MGAT5: variants seen among roughly 807,000 people sequenced by gnomAD.
MGAT5 encodes the protein alpha-1,6-mannosylglycoprotein 6-beta-N-acetylglucosaminyltransferase, also known as alpha-1,6-mannosylglycoprotein 6-beta-N-acetylglucosaminyltransferase A.
A neutral mutation model predicts 94.3 loss-of-function variants in MGAT5; 30 were observed. The observed-to-expected ratio is 0.32, with a 90% CI of 0.24 to 0.43. The LOEUF (loss-of-function observed/expected upper bound fraction) is 0.43. Ranked by LOEUF, MGAT5 falls within the 20% of genes least tolerant of loss-of-function variation. The probability of loss-of-function intolerance (pLI) is 1.00; values close to 1 mark genes in which losing one functional copy is unlikely to be tolerated. For missense variants in MGAT5, 691 were observed against 905.5 expected, an observed-to-expected ratio of 0.76 and a Z score of 3.04; for synonymous variants, 310 against 322.9, an observed-to-expected ratio of 0.96 and a Z score of 0.43.
intron 2 of MGAT5, among the ~76,000 whole-genome samples, chr2:134,287,116 A>G (rs562564597): frequency 6.6e-6 from 1 of 152,254 alleles, no homozygotes; most frequent in South Asian, 2.1e-4. Context: ...TTGGGGCTCT[A>G]TTCCTACCCC....
chr2:134,208,232 A>G (rs1680115274), intron 1 of MGAT5, among the ~76,000 whole-genome samples: 1 of 152,152 alleles, frequency 6.6e-6, no homozygotes, highest in Admixed American at 6.5e-5. Context: ...GTTACTTAAC[A>G]TATTTTCTTC....
intron 1 of MGAT5, among the ~76,000 whole-genome samples, chr2:134,120,780 C>A (rs1685535363): frequency 6.6e-6 from 1 of 151,830 alleles, no homozygotes; most frequent in Non-Finnish European, 1.5e-5. Flanking sequence ...GGCCAGGGGC[C>A]AGTGGGGAGG....
chr2:134,307,166 A>T (rs1686375708), intron 2 of MGAT5, among the ~76,000 whole-genome samples: 1 of 152,168 alleles, frequency 6.6e-6, no homozygotes, highest in East Asian at 1.9e-4. Context: ...TGTTAAAGAG[A>T]CTATTTAAGA....
chr2:134,434,228 C>G (rs542022439), intron 14 of MGAT5, among the ~76,000 whole-genome samples: 8 of 152,208 alleles, frequency 5.3e-5, no homozygotes, highest in Non-Finnish European at 2.9e-5. Context: ...GTGTTTTCCC[C>G]AGGCTGCTAA....
chr2:134,388,415 A>G (rs1368011084), intron 10 of MGAT5, among the ~76,000 whole-genome samples: 1 of 151,738 alleles, frequency 6.6e-6, no homozygotes, highest in Non-Finnish European at 1.5e-5. Flanking sequence ...TATAGTATGT[A>G]TCTCTAAGAT....
At chr2:134,123,508 A>G (rs564397586) in intron 1 of MGAT5, among the ~76,000 whole-genome samples, 6 of 152,300 alleles carry the variant, frequency 3.9e-5, no homozygotes, top group African/African-American at 1.4e-4. Context: ...AAGAGGCTTT[A>G]AGCGCAGTAG....
chr2:134,168,716 T>C lies in MGAT5; in HGVS notation c.-143+48425T>C, dbSNP rs143148028. 2.6e-5 allele frequency among the ~76,000 whole-genome samples: 4 copies of C among 152,346 alleles called. No homozygotes were observed. In the East Asian group the frequency reaches 7.7e-4, roughly 29 times the overall value. Reference sequence around the variant, plus strand: ...TCTAGTGCATATCAGTTGGTCTTATTTGAAATACTTTCTCTAGGCATAAAG... The same window carrying C: ...TCTAGTGCATATCAGTTGGTCTTATCTGAAATACTTTCTCTAGGCATAAAG... On this transcript the variant is annotated intron_variant, in intron 1 of 16. Transcript: ENST00000409645.
At chr2:134,246,535 GTCTT>G in intron 1 of MGAT5, among the ~76,000 whole-genome samples, 1 of 152,332 alleles carries the variant, frequency 6.6e-6, no homozygotes, top group Admixed American at 6.5e-5. Flanking sequence ...CGTTCCATCT[GTCTT>G]TCTTACACCA....
chr2:134,334,970 C>CGAA (rs1265777144), intron 4 of MGAT5, among the ~76,000 whole-genome samples: 1 of 152,134 alleles, frequency 6.6e-6, no homozygotes, highest in East Asian at 1.9e-4. Context: ...GAATATTTCA[C>CGAA]TTTTCCTATT....
chr2:134,336,049 C>G (rs1233591123), intron 4 of MGAT5, among the ~76,000 whole-genome samples, 168 bp from the exon 5 acceptor site: 1 of 152,032 alleles, frequency 6.6e-6, no homozygotes, highest in Admixed American at 6.6e-5. Context: ...TCTGAGAGGG[C>G]ACTTGTATCT....
At chr2:134,387,301 GATAT>G (rs1553458949) in intron 10 of MGAT5, among the ~76,000 whole-genome samples, 51 of 42,598 alleles carry the variant, frequency 1.2e-3, no homozygotes, top group South Asian at 2.8e-3. Flanking sequence ...AGTTATGTAT[GATAT>G]ATATATATAT....
At chr2:134,273,016 TGTGTGCGCGCGC>T (rs1684124743) in intron 2 of MGAT5, among the ~76,000 whole-genome samples, 1 of 150,094 alleles carries the variant, frequency 6.7e-6, no homozygotes, top group Admixed American at 6.7e-5. Context: ...TGTCTGTGTG[TGTGTGCGCGCGC>T]GCGTGCGCGT....
At chr2:134,207,981 C>A (rs575499296) in intron 1 of MGAT5, among the ~76,000 whole-genome samples, 1 of 152,282 alleles carries the variant, frequency 6.6e-6, no homozygotes, top group Admixed American at 6.5e-5. Flanking sequence ...AAAGACTTTG[C>A]GTTCTACTTC....
At chr2:134,286,751 C>G (rs1685034121) in intron 2 of MGAT5, among the ~76,000 whole-genome samples, 1 of 152,178 alleles carries the variant, frequency 6.6e-6, no homozygotes, top group Non-Finnish European at 1.5e-5. Context: ...TGTCTTTATT[C>G]TGCCTTCCCA....
Position 134,448,934 on chromosome 2 carries a change from A to G in MGAT5, c.*87A>G, listed in dbSNP as rs1685950245. ...GCAGGGCCAGGGACAGAAGTCATGC[A>G]GGGACTCTGGCAAGAGCCTGAACTT... On this transcript the variant is annotated 3_prime_UTR_variant, in exon 16 of 16. Coordinates refer to ENST00000281923, the MANE Select transcript of MGAT5 (RefSeq NM_002410.5). The G allele has an allele frequency of 1.4e-6, 2 of 1,385,970 alleles. No individual in the cohort carries two copies. The highest frequency in any genetic ancestry group is 2.5e-5 in the South Asian group (2 of 79,360). The allele number at this position is 1,385,970 out of a possible 1,614,324, so 85.9% of individuals were successfully genotyped here. A position where few individuals can be genotyped will look rare whatever the true frequency, so the allele number is the denominator to read the frequency against.
At chr2:134,186,865 C>A (rs1245119757) in intron 1 of MGAT5, among the ~76,000 whole-genome samples, 1 of 152,154 alleles carries the variant, frequency 6.6e-6, no homozygotes, top group African/African-American at 2.4e-5. Context: ...ACAGGTAAAT[C>A]TGATGTCAGG....
chr2:134,194,703 T>C (rs920675366), intron 1 of MGAT5, among the ~76,000 whole-genome samples: 1 of 152,134 alleles, frequency 6.6e-6, no homozygotes, highest in Non-Finnish European at 1.5e-5. Flanking sequence ...AGTACTGTCT[T>C]GCTTCTGTCA....
chr2:134,428,316 A>T, intron 13 of MGAT5, 49 bp from the exon 14 acceptor site: 1 of 1,558,842 alleles, frequency 6.4e-7, no homozygotes, highest in Non-Finnish European at 8.8e-7. Context: ...AGGAGGTGCT[A>T]CATGTTCTCT....
At chr2:134,361,903 C>T (rs987878988) in intron 9 of MGAT5, among the ~76,000 whole-genome samples, 15 of 152,200 alleles carry the variant, frequency 9.9e-5, no homozygotes, top group Non-Finnish European at 2.1e-4. Context: ...GCCCTGCCCC[C>T]TACAGATTTC....
Sources: gnomAD v4.1 joint callset for allele counts (sites outside exome capture counted in the v4.1 genomes callset) on GRCh38, gnomAD v4.1.1 for gene constraint, MANE v1.5 for transcripts, NCBI Gene and HGNC (gene_info 2026-07-23, HGNC 2026-07-21) for gene names.